PCDHA6: variants seen among roughly 807,000 people sequenced by gnomAD.
PCDHA6 encodes the protein protocadherin alpha-6.
Under a neutral mutation model 60.3 loss-of-function variants are expected in PCDHA6, and 55 were observed. That is an observed-to-expected ratio of 0.91 (90% CI 0.73 to 1.14). The LOEUF (loss-of-function observed/expected upper bound fraction) is 1.14, where lower values mean the gene tolerates loss of function less well. Ranked by LOEUF, PCDHA6 falls within the 50% of genes most tolerant of loss-of-function variation. PCDHA6 has a pLI of 0.00. For missense variants in PCDHA6, 1,327 were observed against 1,256.5 expected, an observed-to-expected ratio of 1.06 and a Z score of -0.85; for synonymous variants, 652 against 557.9, an observed-to-expected ratio of 1.17 and a Z score of -2.38.
At chr5:140,871,183 G>A (rs782647681) in intron 1 of PCDHA6, 2 of 1,613,586 alleles carry the variant, frequency 1.2e-6, no homozygotes, top group South Asian at 2.2e-5. Flanking sequence ...TGCGCTGGTG[G>A]ATGTCAACGT....
At chr5:140,982,022 G>T (rs2096962811) in intron 2 of PCDHA6, among the ~76,000 whole-genome samples, 1 of 152,168 alleles carries the variant, frequency 6.6e-6, no homozygotes, top group African/African-American at 2.4e-5. Context: ...AGCCAAATTG[G>T]AACAATACTC....
chr5:140,879,816 G>C (rs1232945342), intron 1 of PCDHA6, among the ~76,000 whole-genome samples: 9 of 152,196 alleles, frequency 5.9e-5, no homozygotes, highest in African/African-American at 2.2e-4. Flanking sequence ...TTGGCTGTTG[G>C]TGTTCCCTGG....
intron 1 of PCDHA6, chr5:140,875,402 CT>C (rs2055455404): frequency 6.7e-7 from 1 of 1,488,754 alleles, no homozygotes; most frequent in African/African-American, 1.4e-5. Flanking sequence ...AGGGTGACTG[CT>C]CATAAAATAC....
chr5:140,924,008 C>T lies in PCDHA6; in HGVS notation c.2395-54941C>T, dbSNP rs75028295. On this transcript the variant is annotated intron_variant, in intron 1 of 3. Coordinates refer to ENST00000529310, the MANE Select transcript of PCDHA6 (RefSeq NM_018909.4). ...TAGGTGCAGCTCAGAATTCCTAAAC[C>T]TGGTATAATTGGAGGCATGGCTGCA... 7.8e-3 allele frequency among the ~76,000 whole-genome samples: 1,191 copies of T among 152,262 alleles called. 21 individuals are homozygous for T. The highest frequency in any genetic ancestry group is 0.026 in the African/African-American group (1,098 of 41,552).
At chr5:140,882,460 C>T in intron 1 of PCDHA6, 4 of 1,613,998 alleles carry the variant, frequency 2.5e-6, no homozygotes, top group Non-Finnish European at 3.4e-6. Context: ...CGCGCCTGTT[C>T]CGGGTGGCGT....
intron 3 of PCDHA6, among the ~76,000 whole-genome samples, chr5:140,983,854 T>C (rs1554245766): frequency 6.6e-6 from 1 of 152,206 alleles, no homozygotes; most frequent in Admixed American, 6.5e-5. Flanking sequence ...TTAAGTAACA[T>C]GCAGCTAAGG....
chr5:140,845,564 A>G (rs945837920), intron 1 of PCDHA6, among the ~76,000 whole-genome samples: 4 of 149,618 alleles, frequency 2.7e-5, no homozygotes, highest in African/African-American at 9.8e-5. Context: ...TTAGCTATTA[A>G]GAATTTCTGG....
intron 1 of PCDHA6, chr5:140,851,311 T>C (rs1484638965): frequency 1.0e-6 from 1 of 1,000,128 alleles, no homozygotes; most frequent in Non-Finnish European, 1.2e-6. Context: ...TAGCAATTGT[T>C]ACCTTGTTAA....
intron 1 of PCDHA6, among the ~76,000 whole-genome samples, chr5:140,964,713 A>C (rs2095850699): frequency 6.6e-6 from 1 of 152,070 alleles, no homozygotes; most frequent in South Asian, 2.1e-4. Flanking sequence ...TCCGAGATCA[A>C]ATTACCACAG....
intron 1 of PCDHA6, chr5:140,848,644 A>C: frequency 6.3e-7 from 1 of 1,593,184 alleles, no homozygotes; most frequent in Non-Finnish European, 8.6e-7. Flanking sequence ...CGCATCGCGC[A>C]GGACCTGGGG....
chr5:140,869,858 T>C (rs1554163543), intron 1 of PCDHA6: 5 of 1,610,642 alleles, frequency 3.1e-6, no homozygotes, highest in East Asian at 4.5e-5. Context: ...GTGAGCCTTA[T>C]GGAAAATGCT....
At position 140,829,360 on chromosome 5, in the gene PCDHA6, G is replaced by A; in HGVS notation, c.1269G>A (p.Leu423=). Residue 423 remains leucine (L), a synonymous_variant, in exon 1 of 4, where the codon TTG becomes TTA. Transcript: ENST00000529310. ...GCGAGAGCGTGTCGGCCTATGAGTTGGTGGTAACCGCGCGGGACGGGGGCT... is the reference window on the plus strand; with the variant it reads ...GCGAGAGCGTGTCGGCCTATGAGTTAGTGGTAACCGCGCGGGACGGGGGCT... The part of the protein sequence containing the change: ...LDRESVSAYE[L]VVTARDGGSP... 2 of 1,614,228 alleles carry A rather than the reference G, an allele frequency of 1.2e-6. No individual in the cohort carries two copies. The highest frequency in any genetic ancestry group is 1.7e-6 in the Non-Finnish European group (2 of 1,180,046).
chr5:140,872,756 A>G (rs987230878), intron 1 of PCDHA6, among the ~76,000 whole-genome samples: 1 of 152,342 alleles, frequency 6.6e-6, no homozygotes, highest in East Asian at 1.9e-4. Context: ...AAAGACATGC[A>G]TATAGGGCTA....
chr5:140,943,998 G>C (rs2093593066), intron 1 of PCDHA6, among the ~76,000 whole-genome samples: 1 of 152,178 alleles, frequency 6.6e-6, no homozygotes, highest in Non-Finnish European at 1.5e-5. Context: ...CAGAACTACT[G>C]AGTACCCCCC....
chr5:140,947,083 A>T (rs1268359945), intron 1 of PCDHA6, among the ~76,000 whole-genome samples: 1 of 151,728 alleles, frequency 6.6e-6, no homozygotes, highest in African/African-American at 2.4e-5. Context: ...TTGAAACATC[A>T]GACTGTAGCC....
At chr5:140,908,794 C>T (rs1554193480) in intron 1 of PCDHA6, among the ~76,000 whole-genome samples, 1 of 152,142 alleles carries the variant, frequency 6.6e-6, no homozygotes, top group African/African-American at 2.4e-5. Context: ...TTCTGTACTA[C>T]ATTAAAAAGT....
At chr5:140,928,276 G>T in intron 1 of PCDHA6, 1 of 1,614,172 alleles carries the variant, frequency 6.2e-7, no homozygotes, top group Non-Finnish European at 8.5e-7. Context: ...TGGCCCTGGG[G>T]CCTCTCTAGG....
intron 1 of PCDHA6, chr5:140,870,414 G>A (rs374225281): frequency 4.0e-5 from 64 of 1,614,112 alleles, no homozygotes; most frequent in Non-Finnish European, 5.0e-5. Context: ...TGTGGGCCAC[G>A]GCCAGGGTAT....
At chr5:140,967,870 G>T in intron 1 of PCDHA6, 1 of 1,614,152 alleles carries the variant, frequency 6.2e-7, no homozygotes, top group Non-Finnish European at 8.5e-7. Flanking sequence ...TGGTGCTCAC[G>T]GACCTGTATA....
Sources: gnomAD v4.1 joint callset for allele counts (sites outside exome capture counted in the v4.1 genomes callset) on GRCh38, gnomAD v4.1.1 for gene constraint, MANE v1.5 for transcripts, NCBI Gene and HGNC (gene_info 2026-07-23, HGNC 2026-07-21) for gene names.